SNX29: variants seen among roughly 807,000 people sequenced by gnomAD.
SNX29 encodes sorting nexin 29.
In SNX29, 78 loss-of-function variants were observed where a neutral mutation model predicts 102.1. That is an observed-to-expected ratio of 0.76 (90% CI 0.64 to 0.92). SNX29 has a LOEUF of 0.92. Among genes scored for constraint, SNX29 ranks in the 40% least tolerant of loss-of-function variants. The pLI is 0.00. For synonymous variants in SNX29, 580 were observed against 414.5 expected (o/e 1.40, Z -4.85); for missense variants, 1,280 against 1,061.7 (o/e 1.21, Z -2.86).
At chr16:12,388,373 A>T (rs1255316922) in intron 16 of SNX29, among the ~76,000 whole-genome samples, 1 of 152,200 alleles carries the variant, frequency 6.6e-6, no homozygotes, top group East Asian at 1.9e-4. Context: ...ACGTCTTGAC[A>T]TTCCTTCTCT....
At chr16:12,144,142 A>G (rs1010070498) in intron 13 of SNX29, among the ~76,000 whole-genome samples, 1 of 152,196 alleles carries the variant, frequency 6.6e-6, no homozygotes, top group African/African-American at 2.4e-5. Context: ...TTTAAGTAGC[A>G]AGGACTTAAG....
At chr16:12,176,794 G>C (rs1183802054) in intron 13 of SNX29, among the ~76,000 whole-genome samples, 2 of 152,156 alleles carry the variant, frequency 1.3e-5, no homozygotes, top group Non-Finnish European at 2.9e-5. Context: ...CTACATCTGA[G>C]TGTTGCTATC....
intron 15 of SNX29, among the ~76,000 whole-genome samples, chr16:12,289,554 GT>G (rs2079723857): frequency 1.3e-5 from 2 of 152,124 alleles, no homozygotes; most frequent in African/African-American, 4.8e-5. Context: ...CACCCCATGT[GT>G]TCTGTTTCGC....
At chr16:12,040,178 C>T (rs897475834) in intron 4 of SNX29, among the ~76,000 whole-genome samples, 2 of 152,036 alleles carry the variant, frequency 1.3e-5, no homozygotes, top group African/African-American at 4.8e-5. Flanking sequence ...AGCCTGCCAG[C>T]CTGCACAACA....
At chr16:12,200,284 A>G (rs985347670) in intron 14 of SNX29, among the ~76,000 whole-genome samples, 1 of 152,162 alleles carries the variant, frequency 6.6e-6, no homozygotes, top group Non-Finnish European at 1.5e-5. Flanking sequence ...AGTCATGAAG[A>G]TCTTGCCAAA....
chr16:12,193,435 C>T (rs1048944859), intron 13 of SNX29, among the ~76,000 whole-genome samples: 1 of 147,322 alleles, frequency 6.8e-6, no homozygotes, highest in Non-Finnish European at 1.5e-5. Context: ...CACCACTGCA[C>T]TCCAGCCTGG....
intron 12 of SNX29, 60 bp from the exon 13 acceptor site, chr16:12,129,570 C>A: frequency 6.5e-7 from 1 of 1,544,252 alleles, no homozygotes; most frequent in Admixed American, 1.9e-5. Flanking sequence ...GGAACTGTGT[C>A]CTGGGCTCAG....
intron 15 of SNX29, among the ~76,000 whole-genome samples, chr16:12,299,474 A>C (rs944459548): frequency 1.3e-5 from 2 of 152,204 alleles, no homozygotes; most frequent in African/African-American, 4.8e-5. Flanking sequence ...CATCAAAGCA[A>C]GGAAGCTGAG....
intron 11 of SNX29, among the ~76,000 whole-genome samples, chr16:12,121,861 C>T (rs865949980): frequency 6.6e-5 from 10 of 152,146 alleles, no homozygotes; most frequent in African/African-American, 2.4e-4. Context: ...TGCAGTGGCG[C>T]GATCTTGGCT....
intron 20 of SNX29, among the ~76,000 whole-genome samples, chr16:12,557,912 G>C (rs539245099): frequency 6.6e-6 from 1 of 152,176 alleles, no homozygotes. Context: ...TTCTCAAGTC[G>C]TCAGGGCAGG....
intron 16 of SNX29, among the ~76,000 whole-genome samples, chr16:12,369,925 C>G (rs372667628): frequency 6.6e-6 from 1 of 152,252 alleles, no homozygotes; most frequent in East Asian, 1.9e-4. Context: ...TTGAAAAAAT[C>G]TTTCTTTGAG....
chr16:12,296,399 A>AT (rs112464542), intron 15 of SNX29, among the ~76,000 whole-genome samples: 10,840 of 152,202 alleles, frequency 0.071, 867 homozygotes, highest in African/African-American at 0.2. Flanking sequence ...ATTTCCTACA[A>AT]TTTTTTTGAC....
At chr16:12,543,527 C>G (rs775248543) in intron 20 of SNX29, among the ~76,000 whole-genome samples, 4 of 152,196 alleles carry the variant, frequency 2.6e-5, no homozygotes, top group Non-Finnish European at 5.9e-5. Context: ...AAGCTTGTGA[C>G]ACCTTTGGCC....
intron 20 of SNX29, among the ~76,000 whole-genome samples, chr16:12,564,829 C>T (rs12932393): frequency 4.8e-5 from 7 of 145,904 alleles, no homozygotes; most frequent in East Asian, 2.0e-4. Context: ...TGGTACACAA[C>T]GCTGAAGTCG....
intron 15 of SNX29, among the ~76,000 whole-genome samples, chr16:12,324,856 G>GC (rs1390019057): frequency 6.6e-6 from 1 of 151,984 alleles, no homozygotes; most frequent in East Asian, 1.9e-4. Context: ...CACTTCTGAA[G>GC]CCCCCAAACT....
chr16:12,121,370 C>T (rs561893326), intron 11 of SNX29, among the ~76,000 whole-genome samples: 10 of 152,336 alleles, frequency 6.6e-5, no homozygotes, highest in South Asian at 2.1e-4. Flanking sequence ...GCCTGGGAGC[C>T]GAGAGTCCTG....
chr16:12,264,637 C>G (rs1414981752), intron 14 of SNX29, among the ~76,000 whole-genome samples: 1 of 152,056 alleles, frequency 6.6e-6, no homozygotes, highest in Non-Finnish European at 1.5e-5. Context: ...CAAAAATTAG[C>G]CGGACGTGAT....
intron 20 of SNX29, among the ~76,000 whole-genome samples, chr16:12,552,831 A>G (rs1419975565): frequency 6.6e-6 from 1 of 152,164 alleles, no homozygotes; most frequent in Non-Finnish European, 1.5e-5. Context: ...GTGACACCTG[A>G]CCTGCCAGAG....
intron 8 of SNX29, among the ~76,000 whole-genome samples, chr16:12,059,240 G>A (rs1477767202): frequency 6.6e-6 from 1 of 152,196 alleles, no homozygotes; most frequent in Non-Finnish European, 1.5e-5. Context: ...TGAGGCAGTG[G>A]AGTGGCCTAG....
Sources: gnomAD v4.1 joint callset for allele counts (sites outside exome capture counted in the v4.1 genomes callset) on GRCh38, gnomAD v4.1.1 for gene constraint, MANE v1.5 for transcripts, NCBI Gene and HGNC (gene_info 2026-07-23, HGNC 2026-07-21) for gene names.